Variants in PCDH15 observed in about 807,000 individuals in gnomAD.
PCDH15 encodes protocadherin-15.
PCDH15 carries 129 observed loss-of-function variants against 178.5 expected under a neutral mutation model. The ratio of observed to expected loss-of-function variants is 0.72; its 90% CI spans 0.63 to 0.84. The LOEUF is 0.84. PCDH15 is among the 40% of genes least tolerant of loss of function. The pLI is 0.00. For missense variants in PCDH15, 2,230 were observed against 2,099.9 expected (o/e 1.06, Z -1.21); for synonymous variants, 800 against 732.0 (o/e 1.09, Z -1.50).
At chr10:54,900,826 G>T (rs16906672) in intron 2 of PCDH15, among the ~76,000 whole-genome samples, 17,063 of 152,080 alleles carry the variant, frequency 0.11, 1,316 homozygotes, top group East Asian at 0.23. Context: ...TTCAGTTTCA[G>T]AATAAGCAAG....
intron 2 of PCDH15, among the ~76,000 whole-genome samples, chr10:54,915,140 C>T (rs776095288): frequency 2.0e-5 from 3 of 152,084 alleles, no homozygotes; most frequent in South Asian, 2.1e-4. Context: ...CATAAAAGAA[C>T]GATCAAGATG....
intron 2 of PCDH15, among the ~76,000 whole-genome samples, chr10:55,099,727 A>G (rs1371632410): frequency 1.3e-5 from 2 of 152,054 alleles, no homozygotes; most frequent in Non-Finnish European, 2.9e-5. Context: ...GTTGCTTTTC[A>G]GCCAATAAAG....
intron 15 of PCDH15, among the ~76,000 whole-genome samples, chr10:54,113,039 G>A (rs1452394494): frequency 3.3e-5 from 5 of 152,134 alleles, no homozygotes. Context: ...ATATCACAGA[G>A]ATTACATCTG....
At chr10:54,631,894 G>C (rs918498782) in intron 2 of PCDH15, among the ~76,000 whole-genome samples, 1 of 152,046 alleles carries the variant, frequency 6.6e-6, no homozygotes, top group African/African-American at 2.4e-5. Flanking sequence ...CGCGAGAACA[G>C]CATAGGGGAA....
chr10:53,855,948 T>C (rs2078712403), intron 28 of PCDH15, among the ~76,000 whole-genome samples: 1 of 126,100 alleles, frequency 7.9e-6, no homozygotes. Context: ...AATGAAATAG[T>C]ATTCAGCCAT....
chr10:55,447,429 T>G (rs1001899739), intron 2 of PCDH15, among the ~76,000 whole-genome samples: 3 of 152,006 alleles, frequency 2.0e-5, no homozygotes, highest in African/African-American at 7.2e-5. Flanking sequence ...GCTTCCTTAA[T>G]AAGCCCTTTG....
chr10:53,851,725 T>C (rs1232312569), intron 28 of PCDH15, among the ~76,000 whole-genome samples: 4 of 113,924 alleles, frequency 3.5e-5, no homozygotes, highest in African/African-American at 1.3e-4. Flanking sequence ...TATATATATT[T>C]ACACACACAC....
intron 3 of PCDH15, among the ~76,000 whole-genome samples, chr10:54,402,053 C>T (rs1589226735): frequency 6.6e-6 from 1 of 151,504 alleles, no homozygotes; most frequent in South Asian, 2.1e-4. Flanking sequence ...GCATTATGAC[C>T]AAGTTGGTTT....
intron 2 of PCDH15, among the ~76,000 whole-genome samples, chr10:55,105,722 T>C (rs561343332): frequency 4.6e-5 from 7 of 152,246 alleles, no homozygotes; most frequent in African/African-American, 1.2e-4. Flanking sequence ...ACTAAGGCTC[T>C]CCTAAACAGA....
At chr10:54,558,894 T>C (rs2087673521) in intron 2 of PCDH15, among the ~76,000 whole-genome samples, 1 of 152,116 alleles carries the variant, frequency 6.6e-6, no homozygotes, top group Non-Finnish European at 1.5e-5. Context: ...TTTGTTTCTA[T>C]CTGCTTATTT....
At chr10:55,547,571 A>C (rs1358182494) in intron 2 of PCDH15, among the ~76,000 whole-genome samples, 1 of 150,928 alleles carries the variant, frequency 6.6e-6, no homozygotes, top group Non-Finnish European at 1.5e-5. Context: ...TCAATTCTGT[A>C]TGGCTAAAGT....
chr10:55,152,114 T>C (rs1838741820), intron 2 of PCDH15, among the ~76,000 whole-genome samples: 1 of 152,088 alleles, frequency 6.6e-6, no homozygotes, highest in Non-Finnish European at 1.5e-5. Context: ...TAAATATAGA[T>C]CGCTTTTCTG....
At chr10:55,494,551 T>C (rs929854743) in intron 2 of PCDH15, among the ~76,000 whole-genome samples, 1 of 151,786 alleles carries the variant, frequency 6.6e-6, no homozygotes, top group African/African-American at 2.4e-5. Context: ...GTTAAGAGGA[T>C]ATTTTCTAAA....
intron 2 of PCDH15, among the ~76,000 whole-genome samples, chr10:54,613,379 G>A (rs1240864385): frequency 1.3e-5 from 2 of 151,930 alleles, no homozygotes; most frequent in Admixed American, 1.3e-4. Context: ...GAGTCATTGA[G>A]TTATTAAATT....
intron 2 of PCDH15, among the ~76,000 whole-genome samples, chr10:54,547,245 A>C (rs2085964010): frequency 6.6e-6 from 1 of 152,170 alleles, no homozygotes; most frequent in South Asian, 2.1e-4. Flanking sequence ...ATTGCTTCTC[A>C]AACAAAATGC....
intron 2 of PCDH15, among the ~76,000 whole-genome samples, chr10:54,542,703 C>T (rs11004364): frequency 0.12 from 18,231 of 151,888 alleles, 1,360 homozygotes; most frequent in East Asian, 0.36. Context: ...CTTTTTGATA[C>T]GGGAGTACTG....
chr10:53,889,561 A>G (rs1244047686), intron 26 of PCDH15, among the ~76,000 whole-genome samples: 2 of 152,160 alleles, frequency 1.3e-5, no homozygotes, highest in African/African-American at 4.8e-5. Context: ...GACAAAATCA[A>G]ATTGTGAAGC....
chr10:53,934,438 C>T (rs1258292403), intron 25 of PCDH15, among the ~76,000 whole-genome samples: 2 of 151,950 alleles, frequency 1.3e-5, no homozygotes, highest in Non-Finnish European at 2.9e-5. Flanking sequence ...CCCACATGCA[C>T]AGAAGGCTAA....
At chr10:55,475,983 G>A (rs1421598225) in intron 2 of PCDH15, among the ~76,000 whole-genome samples, 1 of 152,040 alleles carries the variant, frequency 6.6e-6, no homozygotes, top group Non-Finnish European at 1.5e-5. Flanking sequence ...GTCATCTCAG[G>A]TGAATATTTC....
Sources: gnomAD v4.1 joint callset for allele counts (sites outside exome capture counted in the v4.1 genomes callset) on GRCh38, gnomAD v4.1.1 for gene constraint, MANE v1.5 for transcripts, NCBI Gene and HGNC (gene_info 2026-07-23, HGNC 2026-07-21) for gene names.